FGF13: variants seen among roughly 807,000 people sequenced by gnomAD.
FGF13 encodes the protein fibroblast growth factor 13, also known as fibroblast growth factor homologous factor 2.
In FGF13, 2 loss-of-function variants were observed where a neutral mutation model predicts 19.5. That is an observed-to-expected ratio of 0.10 (90% CI 0.04 to 0.32). The LOEUF is 0.32. Ranked by LOEUF, FGF13 falls within the 10% of genes least tolerant of loss-of-function variation. The pLI, the probability that FGF13 is intolerant of heterozygous loss-of-function variation, is 1.00. For synonymous variants in FGF13, 72 were observed against 76.9 expected, an observed-to-expected ratio of 0.94 and a Z score of 0.33; for missense variants, 113 against 192.7, an observed-to-expected ratio of 0.59 and a Z score of 2.45.
At chrX:138,751,469 A>C (rs2090397041) in intron 3 of FGF13, among the ~76,000 whole-genome samples, 1 of 111,596 alleles carries the variant, frequency 9.0e-6, no homozygotes, top group South Asian at 3.8e-4. Context: ...GGGAGTTACT[A>C]CATAAGATGT....
In FGF13 at chrX:139,050,472, C is replaced by A. The variant is rs760602666; in HGVS notation, c.-113+152944G>T. ...CATAAATACAGCCAAATATCAAAAG[C>A]ATTAAGGCCTACAGAGATAGAGTAA... On this transcript the variant is annotated intron_variant, in intron 1 of 2. Transcript: ENST00000421460. 8.1e-5 allele frequency among the ~76,000 whole-genome samples: 9 copies of A among 111,606 alleles called. No homozygotes were observed. In the East Asian group the frequency reaches 2.5e-3, roughly 32 times the overall value.
chrX:138,970,679 C>A (rs1401707746), intron 1 of FGF13, among the ~76,000 whole-genome samples: 6 of 111,337 alleles, frequency 5.4e-5, no homozygotes, highest in Admixed American at 2.9e-4. Flanking sequence ...ACAAAAAATG[C>A]ATTTAGGAGT....
intron 1 of FGF13, among the ~76,000 whole-genome samples, chrX:138,882,523 A>G (rs1251928438): frequency 8.9e-6 from 1 of 111,772 alleles, no homozygotes; most frequent in Non-Finnish European, 1.9e-5. Flanking sequence ...AGGAGCCCCA[A>G]ATTATTCAGG....
In FGF13 at chrX:138,687,297, A is replaced by AAAAT. The variant is rs749155043; in HGVS notation, c.402+15683_402+15686dup. On this transcript the variant is annotated intron_variant, in intron 3 of 4. Coordinates refer to ENST00000315930, the MANE Select transcript of FGF13 (RefSeq NM_004114.5). ...ATATAATGAACACAACTCAATAGCAAAAATAAATAAATAAATAAATAAATC... is the reference window on the plus strand; with the variant it reads ...ATATAATGAACACAACTCAATAGCAAAAATAAATAAATAAATAAATAAATAAATC... Among the ~76,000 whole-genome samples the AAAAT allele has an allele frequency of 1.3e-4, 14 of 111,634 alleles. No individual in the cohort carries two copies. The South Asian group carries it at 2.2e-3, about 18-fold the overall frequency.
chrX:138,872,048 T>C (rs191235947), intron 1 of FGF13, among the ~76,000 whole-genome samples: 2 of 112,071 alleles, frequency 1.8e-5, no homozygotes, highest in East Asian at 5.7e-4. Context: ...GCTACGGCTA[T>C]AATCTAAGCA....
intron 1 of FGF13, among the ~76,000 whole-genome samples, chrX:139,026,676 C>A (rs1210141063): frequency 9.0e-6 from 1 of 111,627 alleles, no homozygotes; most frequent in Non-Finnish European, 1.9e-5. Flanking sequence ...CTACCATTCT[C>A]GCCAGCAGAA....
At chrX:139,189,410 G>C (rs2084307092) in intron 1 of FGF13, among the ~76,000 whole-genome samples, 1 of 111,476 alleles carries the variant, frequency 9.0e-6, no homozygotes, top group Non-Finnish European at 1.9e-5. Flanking sequence ...TGGACGAATG[G>C]ATAAGCCAAA....
chrX:139,174,898 T>C (rs770179918), intron 1 of FGF13, among the ~76,000 whole-genome samples: 1 of 112,201 alleles, frequency 8.9e-6, no homozygotes, highest in East Asian at 2.8e-4. Context: ...TGATTCCATA[T>C]GAAATTTAAA....
rs2089054984 is a variant in FGF13, at chrX:138,625,532, T to TATATAATATATATATA, written c.*7317_*7318insTATATATATATTATAT. 4 of 98,058 alleles carry TATATAATATATATATA rather than the reference T, an allele frequency of 4.1e-5. No homozygotes were observed. The highest frequency in any genetic ancestry group is 6.0e-5 in the Non-Finnish European group (3 of 49,990). 8.1% of individuals were successfully genotyped at this position (98,058 alleles called of 1,213,427 possible). On this transcript the variant is annotated 3_prime_UTR_variant, in exon 5 of 5. Coordinates refer to ENST00000315930, the MANE Select transcript of FGF13 (RefSeq NM_004114.5). ...ATATAATATAATATATATATATATC[T>TATATAATATATATATA]TAGCCATATAAAGAGGGAGCTCCTT... is the stretch of plus-strand genomic sequence containing the variant.
At chrX:138,794,855 T>A (rs1283592776) in intron 3 of FGF13, among the ~76,000 whole-genome samples, 1 of 111,782 alleles carries the variant, frequency 8.9e-6, no homozygotes, top group Non-Finnish European at 1.9e-5. Context: ...AAAAACAGAA[T>A]CATAAATAAC....
intron 1 of FGF13, among the ~76,000 whole-genome samples, chrX:138,984,584 GA>G (rs2091982116): frequency 3.7e-5 from 2 of 54,100 alleles, no homozygotes; most frequent in African/African-American, 1.5e-4. Flanking sequence ...AGAAGAAGAA[GA>G]AGAAGGAGGA....
intron 3 of FGF13, among the ~76,000 whole-genome samples, chrX:138,797,216 T>A (rs751266986): frequency 8.9e-6 from 1 of 112,073 alleles, no homozygotes; most frequent in African/African-American, 3.2e-5. Context: ...TTAATCCATC[T>A]TGAGCCAATT....
At chrX:138,926,450 G>A (rs1320895141) in intron 1 of FGF13, among the ~76,000 whole-genome samples, 2 of 111,897 alleles carry the variant, frequency 1.8e-5, no homozygotes, top group Non-Finnish European at 3.8e-5. Flanking sequence ...AATGTGAGCA[G>A]AATAAGGAGA....
Position 138,711,185 on chromosome X carries a change from C to G in FGF13, c.-182G>C, listed in dbSNP as rs1185355552. On this transcript the variant is annotated 5_prime_UTR_variant, in exon 1 of 5. Transcript: ENST00000315930. ...CAAGGAGGGGGCTCAGCATGCCGTC[C>G]GAGCTCCTCCGGCGGCGGTCCGGCT... 1 of 1,059,370 alleles carries G rather than the reference C, an allele frequency of 9.4e-7. No homozygotes were observed. The highest frequency in any genetic ancestry group is 1.9e-5 in the African/African-American group (1 of 52,873). 87.3% of individuals were successfully genotyped at this position (1,059,370 alleles called of 1,213,427 possible). A position where few individuals can be genotyped will look rare whatever the true frequency, so the allele number is the denominator to read the frequency against.
chrX:138,773,026 T>C (rs962957175), intron 3 of FGF13, among the ~76,000 whole-genome samples: 1 of 106,571 alleles, frequency 9.4e-6, no homozygotes, highest in African/African-American at 3.5e-5. Flanking sequence ...ATGGCTGGTC[T>C]ATATTTAGTA....
chrX:138,868,022 T>C (rs1036683810), intron 1 of FGF13, among the ~76,000 whole-genome samples: 4 of 111,689 alleles, frequency 3.6e-5, no homozygotes, highest in Non-Finnish European at 7.5e-5. Flanking sequence ...GAGAAAAAGA[T>C]GGCTGTACTG....
chrX:138,919,019 G>T (rs1311539081), intron 1 of FGF13, among the ~76,000 whole-genome samples: 1 of 111,494 alleles, frequency 9.0e-6, no homozygotes, highest in Non-Finnish European at 1.9e-5. Flanking sequence ...GAGCAAAGAG[G>T]CTGTTTGGTC....
chrX:138,815,494 GA>G (rs749734651), intron 3 of FGF13, among the ~76,000 whole-genome samples: 3 of 109,595 alleles, frequency 2.7e-5, no homozygotes, highest in Non-Finnish European at 3.8e-5. Context: ...GGGAAAAAAT[GA>G]AAAAAAATGC....
At position 138,631,790 on chromosome X, in the gene FGF13, A is replaced by C. The variant is rs1275784562; in HGVS notation, c.*1060T>G. 1 of 112,185 alleles carries C rather than the reference A, an allele frequency of 8.9e-6. No individual in the cohort carries two copies. Among genetic ancestry groups the C allele is most frequent in the East Asian group, 2.8e-4 (1 of 3,585 alleles). 9.2% of individuals were successfully genotyped at this position (112,185 alleles called of 1,213,427 possible). On this transcript the variant is annotated 3_prime_UTR_variant, in exon 5 of 5. Coordinates refer to ENST00000315930, the MANE Select transcript of FGF13 (RefSeq NM_004114.5). ...AACCCAACTTTCTTCCATGCAACAG[A>C]TATGAAGATCTAAATGGAAACCTAG...
Sources: allele counts gnomAD v4.1 joint callset (sites outside exome capture counted in the v4.1 genomes callset), GRCh38; gene constraint gnomAD v4.1.1; transcripts MANE v1.5; gene names NCBI Gene and HGNC (gene_info 2026-07-23, HGNC 2026-07-21).